Variants in CEP43 observed in about 807,000 individuals in gnomAD.
CEP43 encodes the protein centrosomal protein 43.
In CEP43, 36 loss-of-function variants were observed where a neutral mutation model predicts 52.6. That is an observed-to-expected ratio of 0.68 (90% confidence interval 0.52 to 0.90). The LOEUF is 0.90. Ranked by LOEUF, CEP43 falls within the 40% of genes least tolerant of loss-of-function variation. The pLI is 0.00. For synonymous variants in CEP43, 192 were observed against 172.4 expected, an observed-to-expected ratio of 1.11 and a Z score of -0.89; for missense variants, 506 against 472.8, an observed-to-expected ratio of 1.07 and a Z score of -0.65.
intron 7 of CEP43, among the ~76,000 whole-genome samples, chr6:167,018,153 C>G (rs74804140): frequency 0.025 from 3,800 of 152,226 alleles, 166 homozygotes; most frequent in African/African-American, 0.088. Context: ...TTCTCTGTGT[C>G]TCTTCCCCCC....
intron 7 of CEP43, among the ~76,000 whole-genome samples, chr6:167,016,467 G>A (rs1267771938): frequency 6.6e-6 from 1 of 152,194 alleles, no homozygotes. Flanking sequence ...CACTATGGTT[G>A]TCCATTCTGA....
chr6:167,051,825 A>G lies in CEP43; in HGVS notation c.*11847A>G, dbSNP rs1158991916. ...GTATGATACCTTTTTCTTTTAGCCT[A>G]TTTATATCTTTGAATCAAAAGTTTG... On this transcript the variant is annotated 3_prime_UTR_variant, in exon 13 of 13. Transcript: ENST00000366847. 2.0e-5 allele frequency: 3 copies of G among 152,062 alleles called. No individual in the cohort carries two copies. Among genetic ancestry groups the G allele is most frequent in the Non-Finnish European group, 4.4e-5 (3 of 67,994 alleles). 9.4% of individuals were successfully genotyped at this position (152,062 alleles called of 1,614,324 possible). A position where few individuals can be genotyped will look rare whatever the true frequency, so the allele number is the denominator to read the frequency against.
At chr6:167,020,611 G>GATTACACGGGCC in intron 7 of CEP43, among the ~76,000 whole-genome samples, 1 of 152,070 alleles carries the variant, frequency 6.6e-6, no homozygotes, top group Non-Finnish European at 1.5e-5. Context: ...ATTTACTTAA[G>GATTACACGGGCC]ATTACACGGG....
chr6:167,050,996 C>G lies in CEP43; in HGVS notation c.*11018C>G, dbSNP rs1474654869. ...CTCCACAAAAATTTGGAGGCTAGGT[C>G]TTTTCAAAGATAGTTTGGTGGGCAG... is the stretch of plus-strand genomic sequence containing the variant. On this transcript the variant is annotated 3_prime_UTR_variant, in exon 13 of 13. Transcript: ENST00000366847. The G allele has an allele frequency of 1.3e-5, 2 of 152,040 alleles. No individual in the cohort carries two copies. Among genetic ancestry groups the G allele is most frequent in the East Asian group, 3.9e-4 (2 of 5,168 alleles). The allele number at this position is 152,040 out of a possible 1,614,324, so 9.4% of individuals were successfully genotyped here. A position where few individuals can be genotyped will look rare whatever the true frequency, so the allele number is the denominator to read the frequency against.
intron 10 of CEP43, chr6:167,027,968 G>GTCC (rs1355401379): frequency 1.0e-6 from 1 of 985,970 alleles, no homozygotes; most frequent in African/African-American, 1.7e-5. Flanking sequence ...CTCTTTGTGC[G>GTCC]TCCTGGTTGC....
In CEP43 at chr6:167,040,829, ATAG is replaced by A. The variant is rs1780679806; in HGVS notation, c.*857_*859del. On this transcript the variant is annotated 3_prime_UTR_variant, in exon 13 of 13. Coordinates refer to ENST00000366847, the MANE Select transcript of CEP43 (RefSeq NM_007045.4). Reference sequence around the variant, plus strand: ...GTATTAAAATCCAAATTGGAATGAAATAGTAGTAATGGCCTAAGACCATGTTCA... The same window carrying A: ...GTATTAAAATCCAAATTGGAATGAAATAGTAATGGCCTAAGACCATGTTCA... 4 of 1,022,738 alleles carry A rather than the reference ATAG, an allele frequency of 3.9e-6. No individual in the cohort carries two copies. In the East Asian group the frequency reaches 2.6e-4, roughly 66 times the overall value. The allele number at this position is 1,022,738 out of a possible 1,614,324, so 63.4% of individuals were successfully genotyped here. A position where few individuals can be genotyped will look rare whatever the true frequency, so the allele number is the denominator to read the frequency against.
In CEP43 at chr6:167,044,489, T is replaced by G. The variant is rs1278403779; in HGVS notation, c.*4511T>G. The G allele has an allele frequency of 5.1e-6, 5 of 985,252 alleles. No homozygotes were observed. In the South Asian group the frequency reaches 1.4e-4, roughly 28 times the overall value. The allele number at this position is 985,252 out of a possible 1,614,324, so 61.0% of individuals were successfully genotyped here. On this transcript the variant is annotated 3_prime_UTR_variant, in exon 13 of 13. Transcript: ENST00000366847. ...CAAAGTTTCCCCGAGGAAGTCAGATTGGAAAAGTGTCCTCAGGTTCAAGGA... is the reference window on the plus strand; with the variant it reads ...CAAAGTTTCCCCGAGGAAGTCAGATGGGAAAAGTGTCCTCAGGTTCAAGGA...
At chr6:167,005,646 T>G (rs904473503) in intron 5 of CEP43, among the ~76,000 whole-genome samples, 1 of 152,194 alleles carries the variant, frequency 6.6e-6, no homozygotes, top group African/African-American at 2.4e-5. Context: ...CTTGTGCATA[T>G]AATTTCATTC....
At chr6:167,015,899 ATAAAAGATTT>A (rs1313466608) in intron 7 of CEP43, among the ~76,000 whole-genome samples, 9 of 152,316 alleles carry the variant, frequency 5.9e-5, no homozygotes, top group Non-Finnish European at 1.2e-4. Context: ...AAGATTAAAG[ATAAAAGATTT>A]GGTATACAAG....
intron 12 of CEP43, among the ~76,000 whole-genome samples, chr6:167,035,240 C>T (rs10455982): frequency 0.35 from 52,904 of 152,112 alleles, 10,400 homozygotes; most frequent in Non-Finnish European, 0.46. Flanking sequence ...ATAGATTGGA[C>T]TTTGACAGTC....
At chr6:167,034,106 C>T (rs1400859676) in intron 12 of CEP43, 135 bp downstream of exon 12, 2 of 458,318 alleles carry the variant, frequency 4.4e-6, no homozygotes, top group Non-Finnish European at 7.7e-6. Context: ...AGAGACCTGG[C>T]TCGAGTTTAT....
chr6:167,042,839 T>TGTGTGTGTGTGTGTGTGTG lies in CEP43; in HGVS notation c.*2861_*2862insGTGTGTGTGTGTGTGTGTG, dbSNP rs1554277254. 55 of 153,188 alleles carry TGTGTGTGTGTGTGTGTGTG rather than the reference T, an allele frequency of 3.6e-4. No individual in the cohort carries two copies. Among genetic ancestry groups the TGTGTGTGTGTGTGTGTGTG allele is most frequent in the Middle Eastern group, 3.3e-3 (1 of 304 alleles). The allele number at this position is 153,188 out of a possible 1,614,324, so 9.5% of individuals were successfully genotyped here. ...TTGTGTGTGTGTGTGTGTGTGTGTG[T>TGTGTGTGTGTGTGTGTGTG]TTAACTATGAGCTCGTGAGAACAGG... On this transcript the variant is annotated 3_prime_UTR_variant, in exon 13 of 13. Coordinates refer to ENST00000366847, the MANE Select transcript of CEP43 (RefSeq NM_007045.4).
intron 9 of CEP43, among the ~76,000 whole-genome samples, chr6:167,026,344 C>CAG (rs149696364): frequency 0.02 from 3,083 of 152,280 alleles, 52 homozygotes; most frequent in East Asian, 0.091. Flanking sequence ...GCCTGAGTGA[C>CAG]AGTGATGAGA....
At chr6:167,010,160 T>A (rs1428168623) in intron 5 of CEP43, among the ~76,000 whole-genome samples, 2 of 152,256 alleles carry the variant, frequency 1.3e-5, no homozygotes, top group African/African-American at 4.8e-5. Flanking sequence ...CTTGTGCTGG[T>A]AGTGGATGAA....
chr6:167,004,307 G>A lies in CEP43; in HGVS notation c.344G>A (p.Gly115Asp), dbSNP rs1007953440. The A allele has an allele frequency of 1.9e-6, 3 of 1,609,098 alleles. No homozygotes were observed. In the East Asian group the frequency reaches 6.7e-5, roughly 36 times the overall value. ...CGAGAGAATTTAGCCCGAGATTTAGGTATAATTGAAGCAGAAGGTACTGTG... is the reference window on the plus strand; with the variant it reads ...CGAGAGAATTTAGCCCGAGATTTAGATATAATTGAAGCAGAAGGTACTGTG... ...EGRENLARDL[G>D]IIEAEGTVGG... The change falls in exon 5 of 13, where the codon GGT becomes GAT. Residue 115 changes from glycine (G) to aspartate (D), a missense_variant. Transcript: ENST00000366847.
At chr6:167,004,220 T>G in intron 4 of CEP43, 44 bp from the exon 5 acceptor site, 2 of 1,571,514 alleles carry the variant, frequency 1.3e-6, no homozygotes, top group East Asian at 4.5e-5. Flanking sequence ...TGAGAATAAC[T>G]TCTGCTATTT....
chr6:167,004,473 C>A, intron 5 of CEP43, 72 bp downstream of exon 5: 1 of 1,266,914 alleles, frequency 7.9e-7, no homozygotes, highest in Non-Finnish European at 1.1e-6. Flanking sequence ...CAGATTAGTG[C>A]ATATATAGTA....
chr6:167,007,667 C>T (rs1779886160), intron 5 of CEP43, among the ~76,000 whole-genome samples: 1 of 152,148 alleles, frequency 6.6e-6, no homozygotes, highest in Non-Finnish European at 1.5e-5. Flanking sequence ...TAGCTTTTGA[C>T]TTTGACTGTA....
intron 2 of CEP43, among the ~76,000 whole-genome samples, chr6:167,002,355 T>C (rs1412960632): frequency 6.6e-6 from 1 of 152,236 alleles, no homozygotes; most frequent in Non-Finnish European, 1.5e-5. Flanking sequence ...TGTACAGATA[T>C]GACAGTTTAG....
Sources: allele counts gnomAD v4.1 joint callset (sites outside exome capture counted in the v4.1 genomes callset), GRCh38; gene constraint gnomAD v4.1.1; transcripts MANE v1.5; gene names NCBI Gene and HGNC (gene_info 2026-07-23, HGNC 2026-07-21).